CR1: variants seen among roughly 807,000 people sequenced by gnomAD.
CR1 encodes the protein complement C3b/C4b receptor 1 (Knops blood group).
A neutral mutation model predicts 187.3 loss-of-function variants in CR1; 116 were observed. The observed-to-expected ratio is 0.62, with a 90% CI of 0.53 to 0.72. The LOEUF is 0.72. Among genes scored for constraint, CR1 ranks in the 30% least tolerant of loss-of-function variants. CR1 has a pLI of 0.00. For synonymous variants in CR1, 576 were observed against 747.1 expected (o/e 0.77, Z 3.73); for missense variants, 1,731 against 2,110.7 (o/e 0.82, Z 3.52).
chr1:207,515,179 A>T (rs1349600003), intron 4 of CR1, among the ~76,000 whole-genome samples: 2 of 1,356 alleles, frequency 1.5e-3, no homozygotes, highest in African/African-American at 2.2e-3. Context: ...AGGTATATAC[A>T]TATATACGTA....
At chr1:207,577,292 A>T (rs1401278601) in intron 28 of CR1, among the ~76,000 whole-genome samples, 1 of 152,170 alleles carries the variant, frequency 6.6e-6, no homozygotes, top group East Asian at 1.9e-4. Flanking sequence ...GACTCTAATA[A>T]TACATGGATA....
At chr1:207,501,558 C>T (rs974750783) in intron 1 of CR1, among the ~76,000 whole-genome samples, 3 of 152,130 alleles carry the variant, frequency 2.0e-5, no homozygotes, top group African/African-American at 7.2e-5. Context: ...GTTGAAGGCT[C>T]ATATATTCCT....
chr1:207,508,532 A>G (rs763609635), intron 3 of CR1, among the ~76,000 whole-genome samples: 41 of 152,272 alleles, frequency 2.7e-4, no homozygotes, highest in Non-Finnish European at 4.7e-4. Context: ...AGACACGCAC[A>G]CAAATAAGTG....
chr1:207,577,739 A>G, intron 28 of CR1, 66 bp from the exon 29 acceptor site: 3 of 1,594,958 alleles, frequency 1.9e-6, no homozygotes, highest in East Asian at 4.5e-5. Context: ...ACTGCACTCC[A>G]GCCTGGGTGA....
chr1:207,616,458 T>C, intron 40 of CR1, 117 bp from the exon 41 acceptor site: 1 of 1,234,750 alleles, frequency 8.1e-7, no homozygotes, highest in South Asian at 1.6e-5. Flanking sequence ...CCGTCTACCT[T>C]AGTTATATTC....
At chr1:207,597,443 T>C (rs1661480789) in intron 35 of CR1, among the ~76,000 whole-genome samples, 1 of 152,208 alleles carries the variant, frequency 6.6e-6, no homozygotes, top group South Asian at 2.1e-4. Context: ...AATGATGTGA[T>C]AGACATGTCT....
At chr1:207,587,246 T>C in intron 33 of CR1, 140 bp from the exon 34 acceptor site, 1 of 716,130 alleles carries the variant, frequency 1.4e-6, no homozygotes, top group Non-Finnish European at 2.2e-6. Flanking sequence ...CAAGGTAACA[T>C]CAAGGAGAAG....
Position 207,496,373 on chromosome 1 carries a change from C to T in CR1, c.106C>T (p.Leu36=). Residue 36 remains leucine (L), a synonymous_variant, in exon 1 of 47, where the codon CTG becomes TTG. Coordinates refer to ENST00000367049, the MANE Select transcript of CR1 (RefSeq NM_000651.6). ...SLLAVVVLLA[L]PVAWGQCNAP... is the part of the protein sequence containing the mutation. ...GCTGGCGGTTGTGGTGCTGCTTGCG[C>T]TGCCGGTGGCCTGGGGTGAGAGGCG... The T allele has an allele frequency of 6.2e-7, 1 of 1,610,890 alleles. No homozygotes were observed. The highest frequency in any genetic ancestry group is 8.5e-7 in the Non-Finnish European group (1 of 1,179,034).
rs377376915 is a variant in CR1 at position 207,587,487 on chromosome 1, C to G, written c.5632C>G (p.Pro1878Ala). The change falls in exon 34 of 47, where the codon CCT (proline) becomes GCT (alanine). Residue 1878 changes from proline (P) to alanine (A), a missense_variant. Transcript: ENST00000367049. ...VGTSLNYECR[P>A]GYFGKMFSIS... ...GACATCTTTGAATTATGAATGCCGT[C>G]CTGGGTATTTTGGGAAAATGTTCTC... 6.2e-7 allele frequency: 1 copy of G among 1,613,960 alleles called. No homozygotes were observed. Among genetic ancestry groups the G allele is most frequent in the South Asian group, 1.1e-5 (1 of 91,086 alleles).
chr1:207,610,666 T>A (rs1371361670), intron 37 of CR1, among the ~76,000 whole-genome samples: 1 of 152,142 alleles, frequency 6.6e-6, no homozygotes, highest in African/African-American at 2.4e-5. Context: ...AACACACCAA[T>A]TGTCCTGTGG....
In CR1 at chr1:207,511,600, T is replaced by C; in HGVS notation, c.433T>C (p.Cys145Arg). Residue 145 changes from cysteine to arginine, a missense_variant, in exon 4 of 47, where the codon TGC (cysteine) becomes CGC (arginine). Transcript: ENST00000367049. ...YRLIGSSSAT[C>R]IISGDTVIWD... ...ACTCATTGGTTCCTCGTCTGCCACA[T>C]GCATCATCTCAGGTGATACTGTCAT... 6.2e-7 allele frequency: 1 copy of C among 1,613,478 alleles called. No individual in the cohort carries two copies. Among genetic ancestry groups the C allele is most frequent in the South Asian group, 1.1e-5 (1 of 91,074 alleles).
chr1:207,507,794 A>C (rs1360468594), intron 3 of CR1, among the ~76,000 whole-genome samples: 2 of 152,180 alleles, frequency 1.3e-5, no homozygotes, highest in African/African-American at 4.8e-5. Context: ...AGGAATTGAA[A>C]ACTCATGTTC....
At chr1:207,566,418 T>C (rs1660498904) in intron 24 of CR1, among the ~76,000 whole-genome samples, 1 of 150,226 alleles carries the variant, frequency 6.7e-6, no homozygotes, top group Non-Finnish European at 1.5e-5. Flanking sequence ...AATCAATATT[T>C]ATTGATCACA....
intron 35 of CR1, among the ~76,000 whole-genome samples, chr1:207,590,656 CACTG>C (rs1661242886): frequency 6.6e-6 from 1 of 152,190 alleles, no homozygotes; most frequent in African/African-American, 2.4e-5. Context: ...AGTTAAAAGA[CACTG>C]ACTGGCAAAT....
chr1:207,581,161 T>TATGGACAC (rs1660926455), intron 31 of CR1, among the ~76,000 whole-genome samples: 39 of 151,956 alleles, frequency 2.6e-4, no homozygotes, highest in African/African-American at 9.4e-4. Context: ...TACGTATACA[T>TATGGACAC]GTACATGTGT....
intron 39 of CR1, among the ~76,000 whole-genome samples, chr1:207,613,196 C>A (rs367553423): frequency 3.9e-5 from 6 of 152,072 alleles, no homozygotes; most frequent in African/African-American, 7.2e-5. Flanking sequence ...TATTGAGTGA[C>A]AAAACAGCTT....
chr1:207,617,531 GTGTGTGTA>G (rs1558271354), intron 41 of CR1, among the ~76,000 whole-genome samples: 2 of 99,718 alleles, frequency 2.0e-5, no homozygotes, highest in Admixed American at 1.0e-4. Context: ...GTGTGTGTGT[GTGTGTGTA>G]TGTGTGTATA....
At chr1:207,575,495 T>C in intron 27 of CR1, 100 bp from the exon 28 acceptor site, 1 of 1,473,934 alleles carries the variant, frequency 6.8e-7, no homozygotes, top group Non-Finnish European at 9.5e-7. Context: ...GGCCTTAGAC[T>C]TCTCCTGCAT....
chr1:207,602,139 T>C (rs1661624428), intron 35 of CR1, among the ~76,000 whole-genome samples: 1 of 152,052 alleles, frequency 6.6e-6, no homozygotes, highest in African/African-American at 2.4e-5. Context: ...GGGACATGTA[T>C]AAAATAATTT....
Sources: gnomAD v4.1 joint callset for allele counts (sites outside exome capture counted in the v4.1 genomes callset) on GRCh38, gnomAD v4.1.1 for gene constraint, MANE v1.5 for transcripts, NCBI Gene and HGNC (gene_info 2026-07-23, HGNC 2026-07-21) for gene names.